Variants in NTN1 observed in about 807,000 individuals in gnomAD.
The protein encoded by NTN1 is netrin-1.
A neutral mutation model predicts 54.2 loss-of-function variants in NTN1; 11 were observed. The ratio of observed to expected loss-of-function variants is 0.20; its 90% CI spans 0.13 to 0.34. The LOEUF is 0.34. Ranked by LOEUF, NTN1 falls within the 10% of genes least tolerant of loss-of-function variation. The probability of loss-of-function intolerance (pLI) is 1.00; values close to 1 mark genes in which losing one functional copy is unlikely to be tolerated. For synonymous variants in NTN1, 371 were observed against 382.0 expected, an observed-to-expected ratio of 0.97 and a Z score of 0.33; for missense variants, 740 against 893.1, an observed-to-expected ratio of 0.83 and a Z score of 2.18.
Position 9,202,049 on chromosome 17 carries a change from C to CACACACACAT in NTN1, c.1411+19087_1411+19088insCATACACACA, listed in dbSNP as rs1904803865. On this transcript the variant is annotated intron_variant, in intron 5 of 6. Transcript: ENST00000173229. ...AAAAATACACACACACACACACACA[C>CACACACACAT]ACACACAAAAAAAAAAAAAAAAAAA... Among the ~76,000 whole-genome samples the CACACACACAT allele has an allele frequency of 1.1e-4, 3 of 26,844 alleles. No individual in the cohort carries two copies. In the Admixed American group the frequency reaches 1.3e-3, roughly 11 times the overall value. The allele number at this position is 26,844 out of a possible 152,430, so 17.6% of individuals were successfully genotyped here.
At chr17:9,161,034 C>T (rs1279996855) in intron 2 of NTN1, among the ~76,000 whole-genome samples, 3 of 152,222 alleles carry the variant, frequency 2.0e-5, no homozygotes, top group Non-Finnish European at 2.9e-5. Flanking sequence ...ACACACTGAG[C>T]GTGAAACCAT....
At chr17:9,028,040 G>T (rs1366990535) in intron 2 of NTN1, among the ~76,000 whole-genome samples, 1 of 151,670 alleles carries the variant, frequency 6.6e-6, no homozygotes. Context: ...CAGGAGAATC[G>T]CTTGAACCTG....
intron 2 of NTN1, among the ~76,000 whole-genome samples, chr17:9,099,463 C>T (rs1333959018): frequency 6.6e-6 from 1 of 152,106 alleles, no homozygotes; most frequent in Non-Finnish European, 1.5e-5. Context: ...TTTATTTGAC[C>T]AAACATGTTG....
At chr17:9,046,964 T>C (rs1227125623) in intron 2 of NTN1, among the ~76,000 whole-genome samples, 1 of 152,196 alleles carries the variant, frequency 6.6e-6, no homozygotes, top group Non-Finnish European at 1.5e-5. Context: ...GTCATACAAA[T>C]TTTTTGGTCT....
intron 5 of NTN1, among the ~76,000 whole-genome samples, chr17:9,216,680 T>C (rs1440687921): frequency 2.0e-5 from 3 of 152,244 alleles, no homozygotes; most frequent in Non-Finnish European, 1.5e-5. Flanking sequence ...CCTTCTGCTC[T>C]GTGGAGGTAG....
intron 3 of NTN1, chr17:9,176,710 C>T (rs1165851958): frequency 1.3e-5 from 2 of 152,200 alleles, no homozygotes; most frequent in Non-Finnish European, 1.5e-5. Flanking sequence ...GCACTGGGTA[C>T]AGGTAACAGA....
chr17:9,221,151 C>T lies in NTN1; in HGVS notation c.1412-17C>T. The T allele has an allele frequency of 1.3e-6, 2 of 1,519,126 alleles. No individual in the cohort carries two copies. The highest frequency in any genetic ancestry group is 1.8e-6 in the Non-Finnish European group (2 of 1,101,854). The allele number at this position is 1,519,126 out of a possible 1,614,324, so 94.1% of individuals were successfully genotyped here. ...CTAATTAGTTTTTGTCTGTGCTCCCCCCCCACCCCCCTGCAGACTGCGATT... is the reference window on the plus strand; with the variant it reads ...CTAATTAGTTTTTGTCTGTGCTCCCTCCCCACCCCCCTGCAGACTGCGATT... On this transcript the variant is annotated splice_polypyrimidine_tract_variant and intron_variant, in intron 5 of 6. Coordinates refer to ENST00000173229, the MANE Select transcript of NTN1 (RefSeq NM_004822.3). The surrounding 1 kb of genome is among the most constrained non-coding windows in gnomAD (Gnocchi z 4.5).
chr17:9,118,518 C>T (rs1371668646), intron 2 of NTN1, among the ~76,000 whole-genome samples: 1 of 152,144 alleles, frequency 6.6e-6, no homozygotes, highest in Non-Finnish European at 1.5e-5. Flanking sequence ...GTCTAAAAAA[C>T]AAAAACAGAA....
chr17:9,043,877 G>A (rs1362966466), intron 2 of NTN1, among the ~76,000 whole-genome samples: 1 of 151,956 alleles, frequency 6.6e-6, no homozygotes, highest in Non-Finnish European at 1.5e-5. Context: ...ACTGCACCTG[G>A]CATCATCTTG....
intron 2 of NTN1, among the ~76,000 whole-genome samples, chr17:9,045,524 T>C (rs866496308): frequency 3.6e-4 from 55 of 152,014 alleles, no homozygotes; most frequent in African/African-American, 1.2e-3. Context: ...TGCCAAGGGG[T>C]GATTAATTCA....
chr17:9,083,389 C>G (rs2092078726), intron 2 of NTN1, among the ~76,000 whole-genome samples: 1 of 152,252 alleles, frequency 6.6e-6, no homozygotes, highest in African/African-American at 2.4e-5. Context: ...AGCCACTACA[C>G]CCAGCTGATT....
At chr17:9,064,124 AC>A (rs2092007576) in intron 2 of NTN1, among the ~76,000 whole-genome samples, 1 of 152,116 alleles carries the variant, frequency 6.6e-6, no homozygotes, top group South Asian at 2.1e-4. Flanking sequence ...GTAAGTGGAA[AC>A]CAAACATTCC....
chr17:9,004,305 A>G, the NTN1 span, among the ~76,000 whole-genome samples: 1 of 152,222 alleles, frequency 6.6e-6, no homozygotes, highest in Admixed American at 6.5e-5. Flanking sequence ...TAGATAGTAG[A>G]AACAGGGTCG....
At chr17:9,130,883 T>A (rs965863596) in intron 2 of NTN1, among the ~76,000 whole-genome samples, 22 of 152,180 alleles carry the variant, frequency 1.4e-4, no homozygotes, top group African/African-American at 5.1e-4. Context: ...CTCTCTTGAT[T>A]CTCTGAGTCT....
intron 2 of NTN1, among the ~76,000 whole-genome samples, chr17:9,062,162 C>CA (rs140074758): frequency 0.042 from 6,337 of 152,210 alleles, 449 homozygotes; most frequent in African/African-American, 0.15. Flanking sequence ...AGACTGCCAA[C>CA]AAAAAATCTT....
In NTN1 at chr17:9,239,985, G is replaced by T; in HGVS notation, c.*17G>T. ...AAGGCCTAGCGCCGAGGCAGCGGGCGGGCGGGCGGGCGGGCGCCAGGGCGG... is the reference window on the plus strand; with the variant it reads ...AAGGCCTAGCGCCGAGGCAGCGGGCTGGCGGGCGGGCGGGCGCCAGGGCGG... On this transcript the variant is annotated 3_prime_UTR_variant, in exon 7 of 7. Coordinates refer to ENST00000173229, the MANE Select transcript of NTN1 (RefSeq NM_004822.3). The surrounding 1 kb of genome is among the most constrained non-coding windows in gnomAD (Gnocchi z 5.2). 1.6e-6 allele frequency: 2 copies of T among 1,288,482 alleles called. No individual in the cohort carries two copies. The highest frequency in any genetic ancestry group is 4.4e-5 in the South Asian group (2 of 45,690). 79.8% of individuals were successfully genotyped at this position (1,288,482 alleles called of 1,614,324 possible). A position where few individuals can be genotyped will look rare whatever the true frequency, so the allele number is the denominator to read the frequency against.
At chr17:9,061,193 G>A (rs1597473819) in intron 2 of NTN1, among the ~76,000 whole-genome samples, 1 of 152,124 alleles carries the variant, frequency 6.6e-6, no homozygotes, top group Admixed American at 6.5e-5. Context: ...GAGAAGGCCT[G>A]GTGGAGGAGG....
chr17:9,032,353 G>A (rs1326759406), intron 2 of NTN1, among the ~76,000 whole-genome samples: 1 of 152,168 alleles, frequency 6.6e-6, no homozygotes, highest in East Asian at 1.9e-4. Context: ...ACGTTTCTGG[G>A]CAGGTCCTCC....
At chr17:9,230,458 C>CT (rs1555579397) in intron 6 of NTN1, among the ~76,000 whole-genome samples, 117,053 of 150,960 alleles carry the variant, frequency 0.78, 45,544 homozygotes, top group East Asian at 0.85. Context: ...ACCCCCCCCC[C>CT]GAGTGCCAGC....
Sources: allele counts gnomAD v4.1 joint callset (sites outside exome capture counted in the v4.1 genomes callset), GRCh38; gene constraint gnomAD v4.1.1; non-coding constraint Gnocchi (gnomAD v3.1); transcripts MANE v1.5; gene names NCBI Gene and HGNC (gene_info 2026-07-23, HGNC 2026-07-21).